MSANTD3: variants seen among roughly 807,000 people sequenced by gnomAD.
MSANTD3 encodes the protein myb/SANT-like DNA-binding domain-containing protein 3.
Under a neutral mutation model 27.7 loss-of-function variants are expected in MSANTD3, and 11 were observed. That is an observed-to-expected ratio of 0.40 (90% confidence interval 0.25 to 0.66). MSANTD3 has a LOEUF of 0.66. Among genes scored for constraint, MSANTD3 ranks in the 30% least tolerant of loss-of-function variants. MSANTD3 has a pLI of 0.41. For synonymous variants in MSANTD3, 131 were observed against 127.2 expected (o/e 1.03, Z -0.20); for missense variants, 250 against 336.5 (o/e 0.74, Z 2.01).
At chr9:100,427,678 C>T (rs1201550890) in intron 1 of MSANTD3, 1 of 152,276 alleles carries the variant, frequency 6.6e-6, no homozygotes, top group East Asian at 1.9e-4. Flanking sequence ...CTCCCGGGCT[C>T]GGGGAGCTGC....
Position 100,450,743 on chromosome 9 carries a change from A to G in MSANTD3, c.605A>G (p.His202Arg). 6.2e-7 allele frequency: 1 copy of G among 1,614,104 alleles called. No individual in the cohort carries two copies. The highest frequency in any genetic ancestry group is 1.1e-5 in the South Asian group (1 of 91,016). Residue 202 changes from histidine to arginine, a missense_variant, in exon 3 of 3, where the codon CAT (histidine) becomes CGT (arginine). His to Arg is a conservative substitution (Grantham distance 29). Transcript: ENST00000395067. ...AAAAAGATGCATGAGGAAGAACACC[A>G]TCAACAAATGTCCATCTTACAACTG... The part of the protein sequence containing the change: ...ALKKMHEEEH[H>R]QQMSILQLQL...
intron 1 of MSANTD3, among the ~76,000 whole-genome samples, chr9:100,436,109 CTATTT>C (rs1836472290): frequency 6.6e-6 from 1 of 152,138 alleles, no homozygotes; most frequent in South Asian, 2.1e-4. Flanking sequence ...CTGGATTTTG[CTATTT>C]TATTTGACCA....
intron 2 of MSANTD3, chr9:100,445,111 G>A: frequency 9.9e-7 from 1 of 1,014,764 alleles, no homozygotes; most frequent in Non-Finnish European, 1.5e-6. Flanking sequence ...TAGGGTACTG[G>A]TACTCTTTCT....
At chr9:100,437,485 A>T (rs1292054766) in intron 1 of MSANTD3, among the ~76,000 whole-genome samples, 1 of 152,154 alleles carries the variant, frequency 6.6e-6, no homozygotes, top group Non-Finnish European at 1.5e-5. Flanking sequence ...GGAAATGGGA[A>T]TGGTAATTGG....
At chr9:100,429,107 G>A (rs1032525123) in intron 1 of MSANTD3, among the ~76,000 whole-genome samples, 1 of 152,180 alleles carries the variant, frequency 6.6e-6, no homozygotes, top group African/African-American at 2.4e-5. Context: ...TCAAGGGCTG[G>A]ACTCAGGCAC....
At chr9:100,443,164 C>T (rs1288779256) in intron 2 of MSANTD3, among the ~76,000 whole-genome samples, 1 of 152,162 alleles carries the variant, frequency 6.6e-6, no homozygotes, top group Non-Finnish European at 1.5e-5. Context: ...CTTTGGGAGG[C>T]TGAGGTGGGC....
rs1418225979 is a variant in MSANTD3 at position 100,441,926 on chromosome 9, A to C, written c.-13A>C. Reference sequence around the variant, plus strand: ...TACAGGATAGCTAGCGGCCAGGAGAAATACAGTGGAAAATGCAAAACAACG... The same window carrying C: ...TACAGGATAGCTAGCGGCCAGGAGACATACAGTGGAAAATGCAAAACAACG... On this transcript the variant is annotated 5_prime_UTR_variant, in exon 2 of 3. Transcript: ENST00000395067. 1 of 1,594,076 alleles carries C rather than the reference A, an allele frequency of 6.3e-7. No individual in the cohort carries two copies. Among genetic ancestry groups the C allele is most frequent in the Non-Finnish European group, 8.6e-7 (1 of 1,168,816 alleles).
intron 2 of MSANTD3, among the ~76,000 whole-genome samples, chr9:100,450,234 C>G (rs1272330211): frequency 2.0e-5 from 3 of 152,178 alleles, no homozygotes; most frequent in Non-Finnish European, 4.4e-5. Flanking sequence ...CAGAGTTGGG[C>G]ATATTTCAGT....
At chr9:100,446,601 C>T (rs947391843) in intron 2 of MSANTD3, among the ~76,000 whole-genome samples, 25 of 151,938 alleles carry the variant, frequency 1.6e-4, no homozygotes, top group Admixed American at 1.3e-4. Flanking sequence ...CAAGGCAGAC[C>T]GATCACCTGA....
intron 2 of MSANTD3, among the ~76,000 whole-genome samples, chr9:100,447,327 T>G (rs777839007): frequency 2.2e-4 from 33 of 152,122 alleles, no homozygotes; most frequent in Non-Finnish European, 3.5e-4. Context: ...CTCTCTAGTT[T>G]AAAGCCCTGT....
intron 1 of MSANTD3, among the ~76,000 whole-genome samples, chr9:100,433,089 A>C (rs1312330185): frequency 6.6e-6 from 1 of 152,072 alleles, no homozygotes; most frequent in African/African-American, 2.4e-5. Flanking sequence ...ACCTAGCAAA[A>C]AGGGCATCTT....
intron 1 of MSANTD3, among the ~76,000 whole-genome samples, chr9:100,432,127 A>G (rs1417794336): frequency 2.6e-5 from 4 of 152,148 alleles, no homozygotes; most frequent in South Asian, 2.1e-4. Flanking sequence ...ACACAGTCAC[A>G]CTCAGGCGCA....
At chr9:100,440,780 C>CTTTTT (rs529362356) in intron 1 of MSANTD3, among the ~76,000 whole-genome samples, 2 of 85,696 alleles carry the variant, frequency 2.3e-5, no homozygotes, top group Admixed American at 1.4e-4. Context: ...TTTTTCTTCC[C>CTTTTT]TTTTTTTTTT....
At chr9:100,429,993 G>A (rs920115344) in intron 1 of MSANTD3, among the ~76,000 whole-genome samples, 6 of 151,018 alleles carry the variant, frequency 4.0e-5, no homozygotes, top group Admixed American at 1.3e-4. Flanking sequence ...GTGAGCCACC[G>A]TGCCCAGCTA....
chr9:100,437,417 C>G (rs895342569), intron 1 of MSANTD3, among the ~76,000 whole-genome samples: 24 of 152,274 alleles, frequency 1.6e-4, no homozygotes, highest in African/African-American at 5.5e-4. Flanking sequence ...TGGAGTAAGT[C>G]AGACCACTTA....
chr9:100,437,175 C>T (rs956174637), intron 1 of MSANTD3, among the ~76,000 whole-genome samples: 8 of 151,916 alleles, frequency 5.3e-5, no homozygotes, highest in South Asian at 2.1e-4. Context: ...GGAAGGTACA[C>T]GTGGGAGGAT....
At chr9:100,438,988 G>A (rs888289979) in intron 1 of MSANTD3, among the ~76,000 whole-genome samples, 13 of 152,110 alleles carry the variant, frequency 8.5e-5, no homozygotes, top group Non-Finnish European at 1.5e-4. Flanking sequence ...AGGATCTGAG[G>A]GCCAAACCAC....
intron 1 of MSANTD3, among the ~76,000 whole-genome samples, chr9:100,430,956 A>AAG (rs1836362960): frequency 6.6e-6 from 1 of 152,022 alleles, no homozygotes; most frequent in African/African-American, 2.4e-5. Flanking sequence ...TGAGGCTTGG[A>AAG]AGAGAGGTTC....
At chr9:100,428,720 C>A (rs966903911) in intron 1 of MSANTD3, among the ~76,000 whole-genome samples, 1 of 152,134 alleles carries the variant, frequency 6.6e-6, no homozygotes, top group African/African-American at 2.4e-5. Context: ...TCCCTTCTCA[C>A]AAAATTCTTG....
Sources: allele counts gnomAD v4.1 joint callset (sites outside exome capture counted in the v4.1 genomes callset), GRCh38; gene constraint gnomAD v4.1.1; transcripts MANE v1.5; gene names NCBI Gene and HGNC (gene_info 2026-07-23, HGNC 2026-07-21).